CRTAC1: variants seen among roughly 807,000 people sequenced by gnomAD.
CRTAC1 encodes the protein cartilage acidic protein 1, also known as acidic secreted protein in cartilage.
Under a neutral mutation model 67.8 loss-of-function variants are expected in CRTAC1, and 37 were observed. That is an observed-to-expected ratio of 0.55 (90% CI 0.42 to 0.72). The LOEUF (loss-of-function observed/expected upper bound fraction) is 0.72, where lower values mean the gene tolerates loss of function less well. Among genes scored for constraint, CRTAC1 ranks in the 30% least tolerant of loss-of-function variants. The pLI is 0.00. For missense variants in CRTAC1, 780 were observed against 931.6 expected (o/e 0.84, Z 2.12); for synonymous variants, 348 against 371.0 (o/e 0.94, Z 0.71).
At chr10:98,021,275 C>G (rs1408214974) in intron 1 of CRTAC1, among the ~76,000 whole-genome samples, 1 of 152,140 alleles carries the variant, frequency 6.6e-6, no homozygotes, top group East Asian at 1.9e-4. Context: ...TTCCCCAGCA[C>G]CAAGAAAATG....
intron 2 of CRTAC1, among the ~76,000 whole-genome samples, chr10:97,993,500 T>A (rs982339013): frequency 6.6e-6 from 1 of 152,198 alleles, no homozygotes; most frequent in African/African-American, 2.4e-5. Flanking sequence ...ATGACTAAGA[T>A]AGCTTGAAGG....
At chr10:97,900,894 G>A (rs1412579910) in intron 8 of CRTAC1, among the ~76,000 whole-genome samples, 2 of 130,464 alleles carry the variant, frequency 1.5e-5, no homozygotes, top group Non-Finnish European at 3.2e-5. Context: ...ATTGGAGCCC[G>A]TAGCCCCTTT....
chr10:97,957,233 A>T (rs1255099860), intron 2 of CRTAC1, among the ~76,000 whole-genome samples: 1 of 152,148 alleles, frequency 6.6e-6, no homozygotes, highest in East Asian at 1.9e-4. Flanking sequence ...GGGTAATGGT[A>T]GACTTCTTAG....
chr10:97,917,805 A>G (rs974702314), intron 4 of CRTAC1, 149 bp from the exon 5 acceptor site: 7 of 494,746 alleles, frequency 1.4e-5, no homozygotes, highest in Non-Finnish European at 2.4e-5. Context: ...CAGGCTGTGC[A>G]TGGCGCATTT....
intron 2 of CRTAC1, among the ~76,000 whole-genome samples, chr10:97,966,872 C>A (rs1271696327): frequency 4.6e-5 from 7 of 152,088 alleles, no homozygotes; most frequent in Non-Finnish European, 8.8e-5. Flanking sequence ...CACAGAAGCA[C>A]CGTGCCATTT....
At chr10:97,963,894 A>G (rs928298244) in intron 2 of CRTAC1, among the ~76,000 whole-genome samples, 5 of 152,222 alleles carry the variant, frequency 3.3e-5, no homozygotes, top group African/African-American at 9.6e-5. Flanking sequence ...GTGTAAGGAC[A>G]CATAGGTAGC....
At chr10:97,960,001 C>T (rs1016246495) in intron 2 of CRTAC1, among the ~76,000 whole-genome samples, 1 of 152,250 alleles carries the variant, frequency 6.6e-6, no homozygotes, top group Non-Finnish European at 1.5e-5. Flanking sequence ...GCACACTCTG[C>T]CTAGCATGTA....
In CRTAC1 at chr10:97,936,378, A is replaced by G. The variant is rs779778454; in HGVS notation, c.225-12T>C. 1 of 1,595,776 alleles carries G rather than the reference A, an allele frequency of 6.3e-7. No homozygotes were observed. Among genetic ancestry groups the G allele is most frequent in the Non-Finnish European group, 8.6e-7 (1 of 1,166,056 alleles). ...TGGGTCCATTGTACCTGGAGGAGGA[A>G]TGGGGAGGGGATGCTGGGGAGGAGC... On this transcript the variant is annotated splice_polypyrimidine_tract_variant and intron_variant, in intron 2 of 14. Transcript: ENST00000370597.
At chr10:97,924,287 T>C (rs1590212552) in intron 3 of CRTAC1, among the ~76,000 whole-genome samples, 1 of 152,180 alleles carries the variant, frequency 6.6e-6, no homozygotes, top group Non-Finnish European at 1.5e-5. Flanking sequence ...TTCTTGTTAA[T>C]GCAAGACCCC....
chr10:98,005,613 T>C, intron 2 of CRTAC1, among the ~76,000 whole-genome samples: 1 of 151,144 alleles, frequency 6.6e-6, no homozygotes, highest in East Asian at 1.9e-4. Context: ...TATCTAATTA[T>C]ATTTATATAC....
chr10:97,935,495 G>T (rs2051072571), intron 3 of CRTAC1, among the ~76,000 whole-genome samples: 1 of 152,118 alleles, frequency 6.6e-6, no homozygotes, highest in Admixed American at 6.5e-5. Flanking sequence ...GCAGGGTCTT[G>T]GCCCCACCCA....
Position 98,029,257 on chromosome 10 carries a change from G to A in CRTAC1, c.24+1192C>T, listed in dbSNP as rs1312410203. ...CAAGTCGTCTGGGTTCCAAATCTCC[G>A]TCAATCGCTTATCTCTTCCCACATG... is the stretch of plus-strand genomic sequence containing the variant. On this transcript the variant is annotated intron_variant, in intron 1 of 14. Coordinates refer to ENST00000370597, the MANE Select transcript of CRTAC1 (RefSeq NM_018058.7). This position sits in a 1 kb window ranked among gnomAD's most constrained non-coding sequence, Gnocchi z 4.7. Among the ~76,000 whole-genome samples, 3 of 152,048 alleles carry A rather than the reference G, an allele frequency of 2.0e-5. No individual in the cohort carries two copies. Among genetic ancestry groups the A allele is most frequent in the Non-Finnish European group, 4.4e-5 (3 of 68,014 alleles).
intron 3 of CRTAC1, among the ~76,000 whole-genome samples, chr10:97,925,868 A>G (rs535999562): frequency 2.0e-4 from 30 of 151,952 alleles, no homozygotes; most frequent in African/African-American, 7.2e-4. Context: ...TGTGTAAGTG[A>G]CCCCTTGACC....
intron 2 of CRTAC1, among the ~76,000 whole-genome samples, chr10:97,994,437 T>G (rs976506005): frequency 4.6e-5 from 7 of 152,090 alleles, no homozygotes; most frequent in African/African-American, 1.7e-4. Context: ...AGTTTTGGCA[T>G]TAGATAAGGA....
chr10:97,879,870 G>A, intron 14 of CRTAC1: 3 of 1,140,392 alleles, frequency 2.6e-6, no homozygotes, highest in South Asian at 1.4e-5. Context: ...CGGGGTGGGG[G>A]TGGAGGAAGG....
In CRTAC1 at chr10:98,030,075, C is replaced by T. The variant is rs1380132358; in HGVS notation, c.24+374G>A. Among the ~76,000 whole-genome samples, 1 of 152,124 alleles carries T rather than the reference C, an allele frequency of 6.6e-6. No individual in the cohort carries two copies. The highest frequency in any genetic ancestry group is 1.5e-5 in the Non-Finnish European group (1 of 67,998). On this transcript the variant is annotated intron_variant, in intron 1 of 14. Transcript: ENST00000370597. This position sits in a 1 kb window ranked among gnomAD's most constrained non-coding sequence, Gnocchi z 4.2. Reference sequence around the variant, plus strand: ...CTGACTGGGAGACTCTCCCGATAGCCCGGCACATCCCTCCTCACCCGCTCC... The same window carrying T: ...CTGACTGGGAGACTCTCCCGATAGCTCGGCACATCCCTCCTCACCCGCTCC...
intron 2 of CRTAC1, among the ~76,000 whole-genome samples, chr10:97,962,936 T>G (rs944482208): frequency 6.6e-6 from 1 of 151,758 alleles, no homozygotes; most frequent in African/African-American, 2.4e-5. Flanking sequence ...TGAACATCCA[T>G]AGAGATAAAA....
In CRTAC1 at chr10:97,884,581, C is replaced by T. The variant is rs900114301; in HGVS notation, c.1487-230G>A. 2.1e-5 allele frequency: 11 copies of T among 515,418 alleles called. No individual in the cohort carries two copies. In the Admixed American group the frequency reaches 3.5e-4, roughly 17 times the overall value. The allele number at this position is 515,418 out of a possible 1,614,324, so 31.9% of individuals were successfully genotyped here. On this transcript the variant is annotated intron_variant, in intron 11 of 14. Coordinates refer to ENST00000370597, the MANE Select transcript of CRTAC1 (RefSeq NM_018058.7). The stretch of plus-strand genomic sequence containing the variant: ...AGAAATGTCCTGCATCTGTGCTGTC[C>T]AGTACAGTAGCCACTGGTAACATGT...
At chr10:97,956,947 C>T (rs1443228454) in intron 2 of CRTAC1, among the ~76,000 whole-genome samples, 1 of 151,818 alleles carries the variant, frequency 6.6e-6, no homozygotes, top group Non-Finnish European at 1.5e-5. Context: ...TTTGGGACTT[C>T]AGTCACATGC....
Sources: allele counts gnomAD v4.1 joint callset (sites outside exome capture counted in the v4.1 genomes callset), GRCh38; gene constraint gnomAD v4.1.1; non-coding constraint Gnocchi (gnomAD v3.1); transcripts MANE v1.5; gene names NCBI Gene and HGNC (gene_info 2026-07-23, HGNC 2026-07-21).